The following IDH2 variants were observed in gnomAD, a reference collection of about 807,000 sequenced individuals.
IDH2 encodes isocitrate dehydrogenase (NADP(+)) 2, also known as isocitrate dehydrogenase [NADP], mitochondrial.
A neutral mutation model predicts 50.5 loss-of-function variants in IDH2; 18 were observed. That is an observed-to-expected ratio of 0.36 (90% CI 0.25 to 0.53). The LOEUF (loss-of-function observed/expected upper bound fraction) is 0.53, where lower values mean the gene tolerates loss of function less well. IDH2 is among the 20% of genes least tolerant of loss of function. The pLI is 0.92. For missense variants in IDH2, 518 were observed against 610.7 expected, an observed-to-expected ratio of 0.85 and a Z score of 1.60; for synonymous variants, 280 against 239.8, an observed-to-expected ratio of 1.17 and a Z score of -1.55.
intron 2 of IDH2, among the ~76,000 whole-genome samples, 193 bp downstream of exon 2, chr15:90,091,360 C>T (rs942817648): frequency 1.4e-4 from 21 of 152,246 alleles, no homozygotes; most frequent in African/African-American, 3.9e-4. Flanking sequence ...GACAGGCCCC[C>T]GCCTGACGAC....
chr15:90,088,832 C>CG lies in IDH2; in HGVS notation c.374-86dup, dbSNP rs1330843926. The CG allele has an allele frequency of 2.5e-5, 37 of 1,454,032 alleles. No homozygotes were observed. The East Asian group carries it at 7.6e-4, about 30-fold the overall frequency. The allele number at this position is 1,454,032 out of a possible 1,614,324, so 90.1% of individuals were successfully genotyped here. ...AACCCCAAGCAACAACACAGCCAGA[C>CG]GGGGGTCCTAAAATTCTTCATGAGG... On this transcript the variant is annotated intron_variant, in intron 3 of 10. Coordinates refer to ENST00000330062, the MANE Select transcript of IDH2 (RefSeq NM_002168.4).
intron 1 of IDH2, among the ~76,000 whole-genome samples, chr15:90,096,895 A>C (rs763014438): frequency 3.3e-5 from 5 of 152,082 alleles, no homozygotes; most frequent in South Asian, 2.1e-4. Context: ...GCATGGGCGA[A>C]AGAGAGCAAG....
At chr15:90,101,063 A>G (rs1463722116) in intron 1 of IDH2, among the ~76,000 whole-genome samples, 1 of 151,882 alleles carries the variant, frequency 6.6e-6, no homozygotes, top group East Asian at 1.9e-4. Flanking sequence ...GGCACTTGGA[A>G]CCTGGGAGTT....
chr15:90,097,697 TAG>T (rs760009258), intron 1 of IDH2, among the ~76,000 whole-genome samples: 18 of 151,954 alleles, frequency 1.2e-4, no homozygotes, highest in African/African-American at 3.9e-4. Flanking sequence ...GTTTCATGGG[TAG>T]AGAGTTTCGG....
At chr15:90,090,426 G>A (rs111361212) in intron 3 of IDH2, 53 bp downstream of exon 3, 62 of 1,591,478 alleles carry the variant, frequency 3.9e-5, no homozygotes, top group African/African-American at 2.4e-4. Context: ...TGGAGAGGCC[G>A]GTGGGAGAAG....
chr15:90,096,960 C>A (rs1344875870), intron 1 of IDH2, among the ~76,000 whole-genome samples: 2 of 152,100 alleles, frequency 1.3e-5, no homozygotes, highest in Non-Finnish European at 2.9e-5. Flanking sequence ...CTATATGATC[C>A]AGCAATTCTG....
At chr15:90,101,910 G>A (rs968813073) in intron 1 of IDH2, among the ~76,000 whole-genome samples, 25 of 151,918 alleles carry the variant, frequency 1.6e-4, no homozygotes, top group Admixed American at 4.6e-4. Flanking sequence ...GCCCCCCACG[G>A]GTGCTCGTCT....
At chr15:90,091,506 C>T (rs1469956414) in intron 2 of IDH2, 47 bp downstream of exon 2, 1 of 1,474,454 alleles carries the variant, frequency 6.8e-7, no homozygotes, top group South Asian at 1.1e-5. Context: ...AGAACAATCC[C>T]TGGCCAGCCC....
chr15:90,087,792 T>G (rs931049841), intron 5 of IDH2, among the ~76,000 whole-genome samples: 1 of 151,516 alleles, frequency 6.6e-6, no homozygotes, highest in Non-Finnish European at 1.5e-5. Context: ...TTTTTTTTTT[T>G]TGGAAAACAC....
In IDH2 at chr15:90,100,561, C is replaced by T; in HGVS notation, c.115+1715G>A. On this transcript the variant is annotated intron_variant, in intron 1 of 10. Transcript: ENST00000330062. The surrounding 1 kb of genome is among the most constrained non-coding windows in gnomAD (Gnocchi z 4.1). ...TTCACAGAACTGGTCCGCACTGCCC[C>T]AAGCTCTAACTTACCAGAAACATCA... The T allele has an allele frequency of 2.1e-6, 2 of 948,538 alleles. No individual in the cohort carries two copies. The highest frequency in any genetic ancestry group is 2.5e-6 in the Non-Finnish European group (2 of 796,200). 58.8% of individuals were successfully genotyped at this position (948,538 alleles called of 1,614,324 possible).
intron 6 of IDH2, 83 bp from the exon 7 acceptor site, chr15:90,087,346 A>G: frequency 6.2e-7 from 1 of 1,612,670 alleles, no homozygotes; most frequent in Admixed American, 1.7e-5. Flanking sequence ...GAGCTGAGCC[A>G]AATGCACTCT....
chr15:90,094,531 G>C (rs142261972), intron 1 of IDH2, among the ~76,000 whole-genome samples: 30 of 152,328 alleles, frequency 2.0e-4, no homozygotes, highest in Non-Finnish European at 4.0e-4. Context: ...ACAGTCCTTA[G>C]AGAGGTGGTG....
In IDH2 at chr15:90,090,612, C is replaced by CTTTA; in HGVS notation, c.236_239dup (p.Lys80AsnfsTer5). 2 of 1,614,236 alleles carry CTTTA rather than the reference C, an allele frequency of 1.2e-6. No homozygotes were observed. Among genetic ancestry groups the CTTTA allele is most frequent in the Non-Finnish European group, 1.7e-6 (2 of 1,180,038 alleles). ...GGTTTGGGAGCCCGAGGTCAAAATA[C>CTTTA]TTTAGCTGGATGTCCACGTGGGGCA... is the stretch of plus-strand genomic sequence containing the variant. On this transcript the variant is annotated frameshift_variant, in exon 3 of 11. Transcript: ENST00000330062. LOFTEE classifies it high-confidence loss of function.
At chr15:90,102,118 G>A (rs1901349461) in intron 1 of IDH2, among the ~76,000 whole-genome samples, 158 bp downstream of exon 1, 1 of 151,890 alleles carries the variant, frequency 6.6e-6, no homozygotes, top group South Asian at 2.1e-4. Flanking sequence ...GCCGGGCGGG[G>A]GAGCGCGGAG....
rs773592372 is a variant in IDH2 at position 90,090,529 on chromosome 15, C to T, written c.323G>A (p.Ser108Asn). Reference sequence around the variant, plus strand: ...GATGGTGGCACACTTGACAGCCACACTGTACTTCTGGGTGGCCAGTGCAGA... The same window carrying T: ...GATGGTGGCACACTTGACAGCCACATTGTACTTCTGGGTGGCCAGTGCAGA... ...IDSALATQKY[S>N]VAVKCATITP... The change falls in exon 3 of 11, where the codon AGT (serine) becomes AAT (asparagine). Residue 108 changes from serine (S) to asparagine (N), a missense_variant. By Grantham distance (46) the Ser-to-Asn change is conservative (BLOSUM62 1). Around this residue, in one of 5 missense-constraint regions of IDH2, gnomAD observed 68 missense variants for 109.7 expected, o/e 0.62. Transcript: ENST00000330062. 3 of 1,614,174 alleles carry T rather than the reference C, an allele frequency of 1.9e-6. No individual in the cohort carries two copies. Among genetic ancestry groups the T allele is most frequent in the South Asian group, 2.2e-5 (2 of 91,086 alleles).
intron 1 of IDH2, among the ~76,000 whole-genome samples, chr15:90,097,903 GCACT>G (rs1408992646): frequency 1.3e-5 from 2 of 152,122 alleles, no homozygotes; most frequent in Non-Finnish European, 2.9e-5. Context: ...AATGCAGCAG[GCACT>G]CACTCATGGC....
intron 1 of IDH2, among the ~76,000 whole-genome samples, chr15:90,093,134 G>T (rs1901087694): frequency 1.3e-5 from 2 of 152,246 alleles, no homozygotes; most frequent in Admixed American, 6.5e-5. Context: ...GTAAGAGGTT[G>T]TCCAGGGGCT....
At chr15:90,086,946 CCT>C (rs1900874466) in intron 7 of IDH2, among the ~76,000 whole-genome samples, 164 bp downstream of exon 7, 1 of 152,086 alleles carries the variant, frequency 6.6e-6, no homozygotes, top group South Asian at 2.1e-4. Context: ...AATTTGTGAT[CCT>C]CTCTCACTCA....
rs763078146 is a variant in IDH2, at chr15:90,084,217, G to A, written c.*49C>T. 5.2e-5 allele frequency: 79 copies of A among 1,531,828 alleles called. No homozygotes were observed. In the Admixed American group the frequency reaches 8.7e-4, roughly 17 times the overall value. The allele number at this position is 1,531,828 out of a possible 1,614,324, so 94.9% of individuals were successfully genotyped here. On this transcript the variant is annotated 3_prime_UTR_variant, in exon 11 of 11. Coordinates refer to ENST00000330062, the MANE Select transcript of IDH2 (RefSeq NM_002168.4). The surrounding 1 kb of genome is among the most constrained non-coding windows in gnomAD (Gnocchi z 5.0). ...CCCTCTGCCGCGCTCAGGAGGACCC[G>A]CCGGCTCAGCCCTGGCCCCTCCACT...
Sources: allele counts gnomAD v4.1 joint callset (sites outside exome capture counted in the v4.1 genomes callset), GRCh38; gene constraint gnomAD v4.1.1; regional missense constraint gnomAD v4.1.1; non-coding constraint Gnocchi (gnomAD v3.1); transcripts MANE v1.5; gene names NCBI Gene and HGNC (gene_info 2026-07-23, HGNC 2026-07-21).